The following NOS1AP variants were observed in gnomAD, a reference collection of about 807,000 sequenced individuals.
NOS1AP encodes the protein nitric oxide synthase 1 adaptor protein.
NOS1AP carries 21 observed loss-of-function variants against 56.2 expected under a neutral mutation model. That is an observed-to-expected ratio of 0.37 (90% confidence interval 0.26 to 0.54). NOS1AP has a LOEUF of 0.54. NOS1AP is among the 20% of genes least tolerant of loss of function. The pLI is 0.84. For missense variants in NOS1AP, 522 were observed against 657.8 expected, an observed-to-expected ratio of 0.79 and a Z score of 2.26; for synonymous variants, 270 against 274.6, an observed-to-expected ratio of 0.98 and a Z score of 0.17.
At position 162,235,189 on chromosome 1, in the gene NOS1AP, T is replaced by C. The variant is rs1182432537; in HGVS notation, c.178-52155T>C. 2.6e-5 allele frequency among the ~76,000 whole-genome samples: 4 copies of C among 152,328 alleles called. No individual in the cohort carries two copies. The East Asian group carries it at 7.7e-4, about 29-fold the overall frequency. On this transcript the variant is annotated intron_variant, in intron 2 of 9. Coordinates refer to ENST00000361897, the MANE Select transcript of NOS1AP (RefSeq NM_014697.3). ...TTATGAGGTTTAGATCCTGGGGACC[T>C]GATTCTGAAAGCTTTTCCCCCATAG...
chr1:162,330,771 G>A (rs1428271470), intron 4 of NOS1AP, among the ~76,000 whole-genome samples: 4 of 152,200 alleles, frequency 2.6e-5, no homozygotes, highest in Non-Finnish European at 5.9e-5. Flanking sequence ...ACTGTTTACA[G>A]GATGTTGTAA....
At chr1:162,157,370 A>AC (rs1650018279) in intron 2 of NOS1AP, among the ~76,000 whole-genome samples, 1 of 151,732 alleles carries the variant, frequency 6.6e-6, no homozygotes, top group Admixed American at 6.6e-5. Flanking sequence ...TTTACCCTAA[A>AC]CCCCTCAATT....
At position 162,287,333 on chromosome 1, in the gene NOS1AP, CT is replaced by C. The variant is rs1194208167; in HGVS notation, c.178-8del. On this transcript the variant is annotated splice_polypyrimidine_tract_variant and intron_variant, in intron 2 of 9. Coordinates refer to ENST00000361897, the MANE Select transcript of NOS1AP (RefSeq NM_014697.3). ...GATTGCACTTTCTTTTTGTTTTCTT[CT>C]TTCTTGCAGTATGAGTTTAAAGCCA... The C allele has an allele frequency of 6.3e-7, 1 of 1,593,652 alleles. No individual in the cohort carries two copies. The highest frequency in any genetic ancestry group is 1.7e-5 in the Admixed American group (1 of 59,974).
intron 2 of NOS1AP, among the ~76,000 whole-genome samples, chr1:162,275,720 C>T (rs1044057527): frequency 1.6e-4 from 24 of 152,306 alleles, no homozygotes; most frequent in African/African-American, 5.1e-4. Context: ...TTTTCATCCT[C>T]GTTTCTGAAT....
At chr1:162,288,089 G>T (rs1655149697) in intron 3 of NOS1AP, among the ~76,000 whole-genome samples, 1 of 152,180 alleles carries the variant, frequency 6.6e-6, no homozygotes, top group South Asian at 2.1e-4. Context: ...TGTGCCAGTT[G>T]TATGTGGTTG....
intron 2 of NOS1AP, among the ~76,000 whole-genome samples, chr1:162,254,961 T>C (rs928525842): frequency 1.3e-5 from 2 of 152,214 alleles, no homozygotes; most frequent in Non-Finnish European, 2.9e-5. Context: ...TTATTCCTTC[T>C]TCCTCTCTAA....
At chr1:162,155,392 T>TAGAG (rs33924354) in intron 2 of NOS1AP, among the ~76,000 whole-genome samples, 110,947 of 145,798 alleles carry the variant, frequency 0.76, 43,470 homozygotes, top group Admixed American at 0.86. Context: ...CTTATATATA[T>TAGAG]AGAGAGCTCA....
At chr1:162,099,509 G>A (rs1036165759) in intron 1 of NOS1AP, among the ~76,000 whole-genome samples, 19 of 152,018 alleles carry the variant, frequency 1.2e-4, no homozygotes, top group Admixed American at 6.6e-5. Context: ...TTTTAATAAT[G>A]GCCATTCTGA....
intron 5 of NOS1AP, among the ~76,000 whole-genome samples, chr1:162,333,713 G>T (rs907006451): frequency 6.6e-6 from 1 of 152,132 alleles, no homozygotes; most frequent in Non-Finnish European, 1.5e-5. Context: ...ACGTTATGTA[G>T]GTCCCAGCGT....
intron 3 of NOS1AP, among the ~76,000 whole-genome samples, chr1:162,289,251 T>TC (rs1239247779): frequency 1.4e-5 from 1 of 68,976 alleles, no homozygotes; most frequent in African/African-American, 6.6e-5. Context: ...CTTCCTTCCT[T>TC]CCTTCCTTCC....
intron 6 of NOS1AP, among the ~76,000 whole-genome samples, chr1:162,348,805 TAAAG>T (rs1210900527): frequency 6.6e-6 from 1 of 152,262 alleles, no homozygotes; most frequent in East Asian, 1.9e-4. Flanking sequence ...TAGGGACATA[TAAAG>T]AAAGAGAAAG....
chr1:162,157,817 C>G (rs1650036046), intron 2 of NOS1AP, among the ~76,000 whole-genome samples: 1 of 152,176 alleles, frequency 6.6e-6, no homozygotes, highest in Non-Finnish European at 1.5e-5. Context: ...GGTGTGTGCA[C>G]TCCTATTCCT....
In NOS1AP at chr1:162,102,086, T is replaced by C. The variant is rs374799707; in HGVS notation, c.105+31804T>C. ...TATGATATTGGCTGTGGGTTTGTCA[T>C]GCATGGCTCTTATTATTTTGAGGTA... is the stretch of plus-strand genomic sequence containing the variant. On this transcript the variant is annotated intron_variant, in intron 1 of 9. Transcript: ENST00000361897. 4.6e-5 allele frequency among the ~76,000 whole-genome samples: 7 copies of C among 152,334 alleles called. No homozygotes were observed. The South Asian group carries it at 1.4e-3, about 32-fold the overall frequency.
intron 3 of NOS1AP, among the ~76,000 whole-genome samples, chr1:162,287,818 C>A (rs531612544): frequency 2.0e-5 from 3 of 152,316 alleles, no homozygotes; most frequent in South Asian, 2.1e-4. Flanking sequence ...GCTTCCTCAG[C>A]AGCTGTCCCC....
intron 1 of NOS1AP, among the ~76,000 whole-genome samples, chr1:162,135,904 TA>T (rs1008830856): frequency 6.6e-6 from 1 of 152,226 alleles, no homozygotes; most frequent in Non-Finnish European, 1.5e-5. Context: ...AAAAATTTGT[TA>T]AAAATTTATT....
intron 2 of NOS1AP, among the ~76,000 whole-genome samples, chr1:162,239,247 T>A (rs1400013127): frequency 6.6e-6 from 1 of 152,144 alleles, no homozygotes; most frequent in Non-Finnish European, 1.5e-5. Flanking sequence ...GGCAGGTGCC[T>A]CTAGGAGAGC....
At chr1:162,262,898 T>G (rs1654285229) in intron 2 of NOS1AP, among the ~76,000 whole-genome samples, 1 of 152,250 alleles carries the variant, frequency 6.6e-6, no homozygotes, top group African/African-American at 2.4e-5. Flanking sequence ...AAAGAATTGC[T>G]TAGTTGCTGC....
chr1:162,365,242 G>C lies in NOS1AP; in HGVS notation c.940-162G>C, dbSNP rs1287141934. 1.1e-5 allele frequency: 16 copies of C among 1,479,074 alleles called. No individual in the cohort carries two copies. In the South Asian group the frequency reaches 2.1e-4, roughly 19 times the overall value. The allele number at this position is 1,479,074 out of a possible 1,614,324, so 91.6% of individuals were successfully genotyped here. On this transcript the variant is annotated intron_variant, in intron 8 of 9. Transcript: ENST00000361897. ...CCCACTCCTTTTGGCTCCTCCTCTG[G>C]AATGATAAGCCCAGATGCCCATGCT... is the stretch of plus-strand genomic sequence containing the variant.
intron 1 of NOS1AP, among the ~76,000 whole-genome samples, chr1:162,153,635 C>A (rs950731579): frequency 6.6e-6 from 1 of 152,082 alleles, no homozygotes; most frequent in Non-Finnish European, 1.5e-5. Context: ...TATTTAAAGT[C>A]AAAAAACCAA....
Sources: gnomAD v4.1 joint callset for allele counts (sites outside exome capture counted in the v4.1 genomes callset) on GRCh38, gnomAD v4.1.1 for gene constraint, MANE v1.5 for transcripts, NCBI Gene and HGNC (gene_info 2026-07-23, HGNC 2026-07-21) for gene names.